The following VPS54 variants were observed in gnomAD, a reference collection of about 807,000 sequenced individuals.
The protein encoded by VPS54 is vacuolar protein sorting-associated protein 54.
VPS54 carries 45 observed loss-of-function variants against 121.5 expected under a neutral mutation model. That is an observed-to-expected ratio of 0.37 (90% confidence interval 0.29 to 0.47). The LOEUF is 0.47. Among genes scored for constraint, VPS54 ranks in the 20% least tolerant of loss-of-function variants. The pLI is 0.99. For missense variants in VPS54, 1,090 were observed against 1,131.4 expected, an observed-to-expected ratio of 0.96 and a Z score of 0.52; for synonymous variants, 371 against 385.8, an observed-to-expected ratio of 0.96 and a Z score of 0.45.
At chr2:64,006,862 ACCCG>A (rs1221099992) in intron 1 of VPS54, among the ~76,000 whole-genome samples, 1 of 152,010 alleles carries the variant, frequency 6.6e-6, no homozygotes, top group Non-Finnish European at 1.5e-5. Context: ...CAGGTGATCC[ACCCG>A]CCTTGGCCTC....
intron 12 of VPS54, among the ~76,000 whole-genome samples, chr2:63,923,157 C>T (rs1424424559): frequency 9.2e-5 from 14 of 151,372 alleles, no homozygotes; most frequent in African/African-American, 2.9e-4. Context: ...CTACTAAAAA[C>T]GCAAAAAAAT....
intron 3 of VPS54, among the ~76,000 whole-genome samples, chr2:63,978,126 G>T (rs1383501847): frequency 6.6e-6 from 1 of 152,204 alleles, no homozygotes; most frequent in African/African-American, 2.4e-5. Context: ...ACCTTCACAG[G>T]TGCTTCTCAG....
chr2:63,927,027 C>T (rs1005128869), intron 12 of VPS54, among the ~76,000 whole-genome samples: 1 of 152,136 alleles, frequency 6.6e-6, no homozygotes, highest in Non-Finnish European at 1.5e-5. Context: ...CAGAGCACAC[C>T]GCAGCTCAGC....
At chr2:63,946,698 A>G (rs1429305983) in intron 9 of VPS54, among the ~76,000 whole-genome samples, 4 of 152,252 alleles carry the variant, frequency 2.6e-5, no homozygotes, top group African/African-American at 2.4e-5. Flanking sequence ...CTGACTAAAA[A>G]AAGTCAAAAC....
chr2:63,998,615 T>C (rs1677721118), intron 1 of VPS54, among the ~76,000 whole-genome samples: 1 of 152,086 alleles, frequency 6.6e-6, no homozygotes, highest in African/African-American at 2.4e-5. Flanking sequence ...AATACTATCT[T>C]ATAACCCACT....
chr2:64,001,522 C>T (rs1036820398), intron 1 of VPS54, among the ~76,000 whole-genome samples: 5 of 152,096 alleles, frequency 3.3e-5, no homozygotes, highest in Admixed American at 1.3e-4. Context: ...AGGCCCATGG[C>T]GTACTACGTG....
Position 64,019,173 on chromosome 2 carries a change from C to T in VPS54, c.-256G>A, listed in dbSNP as rs1678860186. 1 of 151,064 alleles carries T rather than the reference C, an allele frequency of 6.6e-6. No homozygotes were observed. The highest frequency in any genetic ancestry group is 6.6e-5 in the Admixed American group (1 of 15,176). 9.4% of individuals were successfully genotyped at this position (151,064 alleles called of 1,614,324 possible). On this transcript the variant is annotated 5_prime_UTR_variant, in exon 1 of 23. Transcript: ENST00000272322. ...GGTGAGAGGTGGCAGCGGCGGCTCC[C>T]TCACGTCTCTCCCGGGTGTCCTGTC...
At chr2:64,011,049 T>C (rs927185007) in intron 1 of VPS54, among the ~76,000 whole-genome samples, 8 of 152,200 alleles carry the variant, frequency 5.3e-5, no homozygotes, top group African/African-American at 1.7e-4. Flanking sequence ...TAAGAAATAA[T>C]ATTGACTAGG....
chr2:63,903,635 G>C (rs1368542480), intron 20 of VPS54, among the ~76,000 whole-genome samples: 1 of 152,072 alleles, frequency 6.6e-6, no homozygotes, highest in Admixed American at 6.5e-5. Context: ...CACAGCAGGA[G>C]AGAGAGAAAA....
chr2:63,899,346 A>G, intron 21 of VPS54, 128 bp downstream of exon 21: 2 of 750,394 alleles, frequency 2.7e-6, no homozygotes, highest in South Asian at 2.2e-5. Flanking sequence ...CAATATAACA[A>G]TGTAAAAAAA....
chr2:64,000,200 T>C (rs1426162351), intron 1 of VPS54, among the ~76,000 whole-genome samples: 4 of 152,188 alleles, frequency 2.6e-5, no homozygotes, highest in African/African-American at 7.2e-5. Flanking sequence ...TTCTTCAGTA[T>C]GTCAATTGCA....
At chr2:64,013,691 AC>A (rs1156812764) in intron 1 of VPS54, among the ~76,000 whole-genome samples, 2 of 146,824 alleles carry the variant, frequency 1.4e-5, no homozygotes, top group African/African-American at 2.5e-5. Flanking sequence ...GATATATATC[AC>A]ATATATAGAG....
chr2:63,939,601 G>A (rs1020685155), intron 11 of VPS54, among the ~76,000 whole-genome samples: 1 of 151,908 alleles, frequency 6.6e-6, no homozygotes, highest in Non-Finnish European at 1.5e-5. Flanking sequence ...AAAATTCAGG[G>A]AAAATAGAAA....
At chr2:63,975,046 ATTT>A in intron 3 of VPS54, 1 of 1,497,926 alleles carries the variant, frequency 6.7e-7, no homozygotes, top group Admixed American at 2.0e-5. Flanking sequence ...GTTTTTGTAG[ATTT>A]TTTTTTTCTT....
chr2:63,904,032 A>C (rs983133982), intron 20 of VPS54, among the ~76,000 whole-genome samples: 4 of 152,204 alleles, frequency 2.6e-5, no homozygotes, highest in Admixed American at 1.3e-4. Context: ...GATATGTTAA[A>C]AACACAAGGA....
chr2:63,952,993 A>G (rs1675324587), intron 7 of VPS54, among the ~76,000 whole-genome samples: 1 of 152,148 alleles, frequency 6.6e-6, no homozygotes, highest in South Asian at 2.1e-4. Flanking sequence ...CATTTATTTT[A>G]AATAGATATT....
At chr2:63,950,243 G>A (rs1461156009) in intron 7 of VPS54, among the ~76,000 whole-genome samples, 1 of 152,088 alleles carries the variant, frequency 6.6e-6, no homozygotes. Flanking sequence ...TAACAATGAC[G>A]GCATCTTCAA....
At chr2:63,939,993 T>C (rs961349381) in intron 11 of VPS54, among the ~76,000 whole-genome samples, 1 of 152,144 alleles carries the variant, frequency 6.6e-6, no homozygotes, top group Non-Finnish European at 1.5e-5. Flanking sequence ...CTTGACCTTG[T>C]GATCTGCCTG....
In VPS54 at chr2:63,933,737, T is replaced by C; in HGVS notation, c.1675A>G (p.Thr559Ala). The C allele has an allele frequency of 1.2e-6, 2 of 1,613,850 alleles. No homozygotes were observed. The highest frequency in any genetic ancestry group is 2.2e-5 in the South Asian group (2 of 91,082). The change falls in exon 12 of 23, where the codon ACT (threonine) becomes GCT (alanine). Residue 559 changes from threonine to alanine, a missense_variant. Coordinates refer to ENST00000272322, the MANE Select transcript of VPS54 (RefSeq NM_016516.3). ...SDSVSEPECTTDSSSSKEHTS... is the reference protein window; with the variant it reads ...SDSVSEPECTADSSSSKEHTS... The stretch of plus-strand genomic sequence containing the variant: ...TGCTCTTTGCTGGATGAAGAATCAG[T>C]AGTACATTCTGGCTCGGATACAGAA...
Sources: gnomAD v4.1 joint callset for allele counts (sites outside exome capture counted in the v4.1 genomes callset) on GRCh38, gnomAD v4.1.1 for gene constraint, MANE v1.5 for transcripts, NCBI Gene and HGNC (gene_info 2026-07-23, HGNC 2026-07-21) for gene names.